The following FGF12 variants were observed in gnomAD, a reference collection of about 807,000 sequenced individuals.
FGF12 encodes the protein fibroblast growth factor 12.
Under a neutral mutation model 23.6 loss-of-function variants are expected in FGF12, and 14 were observed. The ratio of observed to expected loss-of-function variants is 0.59; its 90% confidence interval spans 0.39 to 0.93. The LOEUF (loss-of-function observed/expected upper bound fraction) is 0.93, where lower values mean the gene tolerates loss of function less well. FGF12 is among the 40% of genes least tolerant of loss of function. The pLI, the probability that FGF12 is intolerant of heterozygous loss-of-function variation, is 0.00. For missense variants in FGF12, 175 were observed against 217.8 expected, an observed-to-expected ratio of 0.80 and a Z score of 1.24; for synonymous variants, 62 against 77.3, an observed-to-expected ratio of 0.80 and a Z score of 1.04.
At chr3:192,645,174 AG>A (rs1715956378) in intron 2 of FGF12, among the ~76,000 whole-genome samples, 1 of 152,162 alleles carries the variant, frequency 6.6e-6, no homozygotes, top group Non-Finnish European at 1.5e-5. Context: ...TAATCCCCAA[AG>A]GCTTCGTAAC....
At chr3:192,545,173 C>G (rs901612619) in intron 2 of FGF12, among the ~76,000 whole-genome samples, 6 of 152,190 alleles carry the variant, frequency 3.9e-5, no homozygotes, top group African/African-American at 1.4e-4. Context: ...CCTGGGGAAT[C>G]AAATACTACA....
At chr3:192,416,188 G>A (rs547941069) in intron 2 of FGF12, among the ~76,000 whole-genome samples, 17 of 152,238 alleles carry the variant, frequency 1.1e-4, no homozygotes, top group Non-Finnish European at 2.4e-4. Flanking sequence ...ATCTGATGTT[G>A]AGTAAGATTT....
chr3:192,620,368 G>A (rs1415822112), intron 2 of FGF12, among the ~76,000 whole-genome samples: 2 of 152,094 alleles, frequency 1.3e-5, no homozygotes, highest in Non-Finnish European at 2.9e-5. Flanking sequence ...TAATCGGAGA[G>A]TTTGCCAAAA....
At chr3:192,621,501 T>C (rs1374742985) in intron 2 of FGF12, among the ~76,000 whole-genome samples, 2 of 152,086 alleles carry the variant, frequency 1.3e-5, no homozygotes, top group African/African-American at 4.8e-5. Context: ...ACTTTCCTCA[T>C]AGCATATTGG....
At chr3:192,383,609 C>T (rs528447921) in intron 2 of FGF12, among the ~76,000 whole-genome samples, 1 of 148,862 alleles carries the variant, frequency 6.7e-6, no homozygotes, top group African/African-American at 2.5e-5. Context: ...AAAGAAAGGA[C>T]ATTATTCTTG....
At chr3:192,351,010 A>C (rs1245083010) in intron 3 of FGF12, among the ~76,000 whole-genome samples, 2 of 152,152 alleles carry the variant, frequency 1.3e-5, no homozygotes, top group Middle Eastern at 3.2e-3. Context: ...AATTGCTGGA[A>C]ATCTGTATAT....
intron 4 of FGF12, among the ~76,000 whole-genome samples, chr3:192,172,055 A>ATAGT (rs199597472): frequency 6.6e-6 from 1 of 152,044 alleles, no homozygotes; most frequent in East Asian, 1.9e-4. Flanking sequence ...TTGTTTTTGA[A>ATAGT]TAGTTCCAAC....
At chr3:192,617,540 A>G (rs1714806437) in intron 2 of FGF12, among the ~76,000 whole-genome samples, 1 of 152,148 alleles carries the variant, frequency 6.6e-6, no homozygotes, top group Non-Finnish European at 1.5e-5. Context: ...AATTGGTGTT[A>G]TAAGAATGGG....
At chr3:192,618,918 G>A (rs62293019) in intron 2 of FGF12, among the ~76,000 whole-genome samples, 25,604 of 151,718 alleles carry the variant, frequency 0.17, 2,429 homozygotes, top group African/African-American at 0.26. Flanking sequence ...GCTTACAGTC[G>A]GATAGAGGTT....
At position 192,207,224 on chromosome 3, in the gene FGF12, A is replaced by G. The variant is rs139010230; in HGVS notation, c.229-36568T>C. Among the ~76,000 whole-genome samples, 131 of 152,354 alleles carry G rather than the reference A, an allele frequency of 8.6e-4. 2 individuals are homozygous for G. The highest frequency in any genetic ancestry group is 3.0e-3 in the African/African-American group (124 of 41,580). On this transcript the variant is annotated intron_variant, in intron 4 of 5. Transcript: ENST00000445105. Reference sequence around the variant, plus strand: ...ATGATATATTATTTGTAGAGCATATAGTTTCTGGGATTTAGTAAACATCCA... The same window carrying G: ...ATGATATATTATTTGTAGAGCATATGGTTTCTGGGATTTAGTAAACATCCA...
intron 2 of FGF12, among the ~76,000 whole-genome samples, chr3:192,605,014 C>T (rs1714277241): frequency 6.6e-6 from 1 of 151,942 alleles, no homozygotes; most frequent in Non-Finnish European, 1.5e-5. Context: ...AAAACTGGGC[C>T]CCTGTCTTTC....
chr3:192,200,173 A>T (rs79297734), intron 4 of FGF12, among the ~76,000 whole-genome samples: 217 of 151,812 alleles, frequency 1.4e-3, no homozygotes, highest in African/African-American at 4.8e-3. Context: ...AAAAAAAAAA[A>T]AAATAATTAG....
intron 2 of FGF12, among the ~76,000 whole-genome samples, chr3:192,551,032 A>T (rs999608916): frequency 6.6e-6 from 1 of 152,208 alleles, no homozygotes; most frequent in Admixed American, 6.5e-5. Flanking sequence ...GCTTCTAGCC[A>T]TGACAAAGTC....
At chr3:192,501,825 CAT>C (rs1188360255) in intron 2 of FGF12, among the ~76,000 whole-genome samples, 2 of 152,246 alleles carry the variant, frequency 1.3e-5, no homozygotes, top group Admixed American at 1.3e-4. Flanking sequence ...GTTTTGCTCA[CAT>C]GTTATCTCCC....
At chr3:192,650,521 C>T (rs1014395406) in intron 2 of FGF12, among the ~76,000 whole-genome samples, 5 of 152,200 alleles carry the variant, frequency 3.3e-5, no homozygotes, top group Non-Finnish European at 5.9e-5. Context: ...CTTGTGCCAA[C>T]CCTATACCTA....
At chr3:192,170,820 C>CA (rs1379230351) in intron 4 of FGF12, among the ~76,000 whole-genome samples, 164 bp from the exon 5 acceptor site, 2 of 152,170 alleles carry the variant, frequency 1.3e-5, no homozygotes, top group Non-Finnish European at 1.5e-5. Context: ...ATTCATCATA[C>CA]AAAATCAAAA....
chr3:192,550,334 T>C (rs931985999), intron 2 of FGF12, among the ~76,000 whole-genome samples: 1 of 150,220 alleles, frequency 6.7e-6, no homozygotes, highest in African/African-American at 2.4e-5. Flanking sequence ...CTTTCCTTCC[T>C]ATATATGTGC....
In FGF12 at chr3:192,524,979, T is replaced by C. The variant is rs191204192; in HGVS notation, c.14-164441A>G. Among the ~76,000 whole-genome samples, 206 of 152,302 alleles carry C rather than the reference T, an allele frequency of 1.4e-3. 1 individual carries two copies. The highest frequency in any genetic ancestry group is 2.5e-3 in the Non-Finnish European group (170 of 68,016). Reference sequence around the variant, plus strand: ...ACAAAGATGCAGTAATTATATGTGTTGAAATTATTGATCACTCTATTTCAA... The same window carrying C: ...ACAAAGATGCAGTAATTATATGTGTCGAAATTATTGATCACTCTATTTCAA... On this transcript the variant is annotated intron_variant, in intron 2 of 5. Transcript: ENST00000445105.
chr3:192,265,585 G>A (rs752039929), intron 4 of FGF12, among the ~76,000 whole-genome samples: 1 of 152,028 alleles, frequency 6.6e-6, no homozygotes, highest in African/African-American at 2.4e-5. Context: ...TTAAAAAGAA[G>A]AATATTTGAT....
Sources: gnomAD v4.1 joint callset for allele counts (sites outside exome capture counted in the v4.1 genomes callset) on GRCh38, gnomAD v4.1.1 for gene constraint, MANE v1.5 for transcripts, NCBI Gene and HGNC (gene_info 2026-07-23, HGNC 2026-07-21) for gene names.